SLC9A6: variants seen among roughly 807,000 people sequenced by gnomAD.
SLC9A6 encodes solute carrier family 9 member A6.
In SLC9A6, 6 loss-of-function variants were observed where a neutral mutation model predicts 45.3. The observed-to-expected ratio is 0.13, with a 90% CI of 0.07 to 0.26. The LOEUF is 0.26. Ranked by LOEUF, SLC9A6 falls within the 10% of genes least tolerant of loss-of-function variation. The pLI is 1.00. For synonymous variants in SLC9A6, 191 were observed against 187.7 expected, an observed-to-expected ratio of 1.02 and a Z score of -0.14; for missense variants, 278 against 503.7, an observed-to-expected ratio of 0.55 and a Z score of 4.29.
At chrX:135,980,765 C>A (rs1163419991), upstream of SLC9A6, among the ~76,000 whole-genome samples, 2 of 111,321 alleles carry the variant, frequency 1.8e-5, no homozygotes, top group African/African-American at 6.5e-5. Flanking sequence ...CTATGTTGCC[C>A]AGGCTGGTCA....
chrX:136,018,381 G>T (rs896131170), intron 11 of SLC9A6, among the ~76,000 whole-genome samples: 2 of 112,222 alleles, frequency 1.8e-5, no homozygotes, highest in Non-Finnish European at 1.9e-5. Context: ...GAATGAGTTT[G>T]TCCAGCAGTA....
chrX:136,014,487 G>A (rs2070982074), intron 10 of SLC9A6, among the ~76,000 whole-genome samples: 1 of 112,816 alleles, frequency 8.9e-6, no homozygotes, highest in Non-Finnish European at 1.9e-5. Context: ...AGAACAGGCC[G>A]GGCGCTGTGG....
At chrX:135,999,489 T>C (rs1556617100) in intron 6 of SLC9A6, among the ~76,000 whole-genome samples, 1 of 112,241 alleles carries the variant, frequency 8.9e-6, no homozygotes, top group East Asian at 2.8e-4. Context: ...GACTTTAATA[T>C]ACATTAAAGA....
chrX:136,021,519 C>T (rs1029363874), intron 11 of SLC9A6, among the ~76,000 whole-genome samples: 5 of 112,372 alleles, frequency 4.4e-5, no homozygotes, highest in African/African-American at 9.7e-5. Context: ...TAGACCAACA[C>T]CATTCCCCCT....
chrX:136,018,527 A>G (rs191343145), intron 11 of SLC9A6, among the ~76,000 whole-genome samples: 1 of 111,990 alleles, frequency 8.9e-6, no homozygotes, highest in African/African-American at 3.2e-5. Flanking sequence ...CACTTCATTT[A>G]ATGTTTAACA....
At chrX:136,039,493 T>A (rs984429168) in intron 16 of SLC9A6, among the ~76,000 whole-genome samples, 29 of 111,474 alleles carry the variant, frequency 2.6e-4, no homozygotes, top group African/African-American at 9.1e-4. Flanking sequence ...CATAGTTTTT[T>A]AAAATGTCTT....
At chrX:135,992,958 G>A (rs1308475595) in intron 2 of SLC9A6, among the ~76,000 whole-genome samples, 1 of 111,808 alleles carries the variant, frequency 8.9e-6, no homozygotes, top group Non-Finnish European at 1.9e-5. Context: ...TTAAAAGAAT[G>A]GCTGGCTAGT....
intron 14 of SLC9A6, 45 bp downstream of exon 14, chrX:136,029,020 T>G (rs1405766003): frequency 3.5e-6 from 1 of 289,231 alleles, no homozygotes; most frequent in African/African-American, 2.8e-5. Context: ...AATAAAGGAC[T>G]GTAGAAAGTG....
At chrX:136,020,701 C>T (rs1340973620) in intron 11 of SLC9A6, among the ~76,000 whole-genome samples, 4 of 112,059 alleles carry the variant, frequency 3.6e-5, no homozygotes, top group Admixed American at 1.9e-4. Flanking sequence ...TATGGATTCA[C>T]TGATATTTAT....
At chrX:135,990,123 T>C (rs782018857) in intron 2 of SLC9A6, among the ~76,000 whole-genome samples, 1 of 110,973 alleles carries the variant, frequency 9.0e-6, no homozygotes, top group East Asian at 2.8e-4. Flanking sequence ...GTAGCTGGGA[T>C]TACAGGTGAC....
intron 6 of SLC9A6, among the ~76,000 whole-genome samples, chrX:136,000,730 A>G (rs782593346): frequency 8.9e-6 from 1 of 112,091 alleles, no homozygotes; most frequent in East Asian, 2.8e-4. Context: ...TTCTTTTAGA[A>G]ATTCTGCACT....
intron 13 of SLC9A6, 125 bp downstream of exon 13, chrX:136,024,608 TA>T (rs2071196026): frequency 1.6e-6 from 1 of 637,770 alleles, no homozygotes; most frequent in Admixed American, 3.3e-5. Context: ...AAAAAGTATG[TA>T]ATATATAGTA....
At chrX:136,033,973 A>G (rs980014277) in intron 16 of SLC9A6, among the ~76,000 whole-genome samples, 6 of 111,677 alleles carry the variant, frequency 5.4e-5, no homozygotes, top group African/African-American at 2.0e-4. Flanking sequence ...TCCAAAGACT[A>G]GGAGATTCTC....
chrX:136,033,551 T>A, intron 16 of SLC9A6, 58 bp downstream of exon 16: 1 of 684,095 alleles, frequency 1.5e-6, no homozygotes, highest in Non-Finnish European at 2.3e-6. Context: ...AATTACAGTT[T>A]AATGGAACAA....
chrX:136,032,454 C>G (rs1393748948), intron 15 of SLC9A6, among the ~76,000 whole-genome samples: 2 of 112,386 alleles, frequency 1.8e-5, no homozygotes, highest in African/African-American at 6.5e-5. Flanking sequence ...CTCTAACCCT[C>G]ATCATGTTTT....
rs1239038612 is a variant in SLC9A6, at chrX:136,024,976, TTTGA to T, written c.1460+496_1460+499del. ...AAATGTATACACCACTGTGTACTTG[TTTGA>T]TTATTTTTTAGAATGCATGTCTAGA... On this transcript the variant is annotated intron_variant, in intron 13 of 17. Transcript: ENST00000630721. 2.7e-5 allele frequency among the ~76,000 whole-genome samples: 3 copies of T among 112,137 alleles called. No homozygotes were observed. The East Asian group carries it at 8.4e-4, about 31-fold the overall frequency.
chrX:136,028,072 C>T (rs1411056516), intron 13 of SLC9A6, among the ~76,000 whole-genome samples: 3 of 112,328 alleles, frequency 2.7e-5, no homozygotes, highest in South Asian at 3.7e-4. Context: ...TCTTTTCCCT[C>T]GGAACCACTC....
rs145311825 is a variant in SLC9A6 at position 136,021,135 on chromosome X, C to G, written c.1195-1451C>G. Among the ~76,000 whole-genome samples the G allele has an allele frequency of 6.7e-3, 738 of 110,911 alleles. 7 individuals are homozygous for G. The highest frequency in any genetic ancestry group is 0.011 in the Non-Finnish European group (559 of 53,009). On this transcript the variant is annotated intron_variant, in intron 11 of 17. Transcript: ENST00000630721. ...TTAGATATGTATATATCTATATATC[C>G]ATATATGTAGATATATATACTAACT...
At chrX:136,024,304 G>A (rs2071191348) in intron 12 of SLC9A6, 26 bp from the exon 13 acceptor site, 1 of 1,208,425 alleles carries the variant, frequency 8.3e-7, no homozygotes. Flanking sequence ...AGTTATTGAA[G>A]AAATACCTTT....
Sources: allele counts gnomAD v4.1 joint callset (sites outside exome capture counted in the v4.1 genomes callset), GRCh38; gene constraint gnomAD v4.1.1; transcripts MANE v1.5; gene names NCBI Gene and HGNC (gene_info 2026-07-23, HGNC 2026-07-21).